Variants in TMEM132D observed in about 807,000 individuals in gnomAD.
TMEM132D encodes transmembrane protein 132D, also known as mature OL transmembrane protein.
TMEM132D carries 21 observed loss-of-function variants against 62.3 expected under a neutral mutation model. That is an observed-to-expected ratio of 0.34 (90% CI 0.24 to 0.49). The LOEUF (loss-of-function observed/expected upper bound fraction) is 0.49. Ranked by LOEUF, TMEM132D falls within the 20% of genes least tolerant of loss-of-function variation. TMEM132D has a pLI of 0.99. For synonymous variants in TMEM132D, 621 were observed against 575.6 expected (o/e 1.08, Z -1.13); for missense variants, 1,346 against 1,402.8 (o/e 0.96, Z 0.65).
intron 1 of TMEM132D, among the ~76,000 whole-genome samples, chr12:129,900,565 C>T (rs1183639335): frequency 6.6e-6 from 1 of 152,322 alleles, no homozygotes; most frequent in Admixed American, 6.5e-5. Flanking sequence ...GAAGGATGCA[C>T]GTGAGGACTG....
chr12:129,582,711 C>G (rs551240610), intron 2 of TMEM132D, among the ~76,000 whole-genome samples: 1 of 150,778 alleles, frequency 6.6e-6, no homozygotes, highest in African/African-American at 2.4e-5. Flanking sequence ...CTCCGCCTCC[C>G]GGGTTCAAGC....
At chr12:129,584,020 C>T (rs1877949602) in intron 2 of TMEM132D, among the ~76,000 whole-genome samples, 1 of 152,032 alleles carries the variant, frequency 6.6e-6, no homozygotes. Context: ...TTTTATTAGA[C>T]CTCCAGTTAA....
intron 2 of TMEM132D, among the ~76,000 whole-genome samples, chr12:129,552,383 T>C (rs1184975458): frequency 3.3e-5 from 5 of 152,190 alleles, no homozygotes; most frequent in Non-Finnish European, 5.9e-5. Flanking sequence ...TTATATCCAT[T>C]ATCTATTATC....
rs375947887 is a variant in TMEM132D, at chr12:129,862,408, G to A, written c.79+40853C>T. Among the ~76,000 whole-genome samples, 157 of 152,304 alleles carry A rather than the reference G, an allele frequency of 1.0e-3. 8 individuals are homozygous for A. In the South Asian group the frequency reaches 0.032, roughly 31 times the overall value. ...GCCAAGAGCGAAGGCGTTTTCCAGGGGGCTGTGTGTTTGCTGACACTCCAC... is the reference window on the plus strand; with the variant it reads ...GCCAAGAGCGAAGGCGTTTTCCAGGAGGCTGTGTGTTTGCTGACACTCCAC... On this transcript the variant is annotated intron_variant, in intron 1 of 8. Transcript: ENST00000422113.
chr12:129,670,527 G>A (rs184272662), intron 2 of TMEM132D, among the ~76,000 whole-genome samples: 127 of 152,014 alleles, frequency 8.4e-4, no homozygotes, highest in African/African-American at 2.8e-3. Context: ...AGACAGCCTC[G>A]ACTCCCTGTG....
intron 5 of TMEM132D, among the ~76,000 whole-genome samples, chr12:129,189,424 G>A (rs1244883954): frequency 6.6e-6 from 1 of 152,110 alleles, no homozygotes; most frequent in East Asian, 1.9e-4. Flanking sequence ...CAGAATCAGG[G>A]CCAAGAGATT....
chr12:129,531,562 C>A (rs1876227017), intron 2 of TMEM132D, among the ~76,000 whole-genome samples: 2 of 152,136 alleles, frequency 1.3e-5, no homozygotes, highest in Admixed American at 1.3e-4. Flanking sequence ...TAGAAAAAGG[C>A]AATGAAAATG....
At chr12:129,319,072 T>G (rs994138815) in intron 4 of TMEM132D, among the ~76,000 whole-genome samples, 3 of 152,186 alleles carry the variant, frequency 2.0e-5, no homozygotes. Flanking sequence ...GTCTTGGTTC[T>G]TCCCCGCCTG....
intron 3 of TMEM132D, among the ~76,000 whole-genome samples, chr12:129,527,037 G>A (rs755228567): frequency 1.2e-4 from 18 of 152,192 alleles, no homozygotes; most frequent in African/African-American, 2.9e-4. Context: ...GGCTGGGTAC[G>A]GTGGCTCATT....
At chr12:129,667,878 A>G (rs1880413851) in intron 2 of TMEM132D, among the ~76,000 whole-genome samples, 1 of 152,026 alleles carries the variant, frequency 6.6e-6, no homozygotes, top group African/African-American at 2.4e-5. Flanking sequence ...TGTTATCAGT[A>G]ATAATTATAA....
chr12:129,228,942 T>C (rs1879557852), intron 4 of TMEM132D, among the ~76,000 whole-genome samples: 1 of 152,202 alleles, frequency 6.6e-6, no homozygotes, highest in Non-Finnish European at 1.5e-5. Context: ...AAATCAGAAG[T>C]TCAGCAATTC....
chr12:129,197,146 T>C (rs1878571706), intron 5 of TMEM132D, among the ~76,000 whole-genome samples: 1 of 152,042 alleles, frequency 6.6e-6, no homozygotes, highest in East Asian at 1.9e-4. Context: ...TGTAAATGAG[T>C]GGGTGTGGCT....
intron 1 of TMEM132D, among the ~76,000 whole-genome samples, chr12:129,868,695 G>T (rs1169266177): frequency 6.6e-6 from 1 of 152,194 alleles, no homozygotes; most frequent in African/African-American, 2.4e-5. Context: ...TCAAAAGTGT[G>T]GGACTGCAGA....
intron 5 of TMEM132D, among the ~76,000 whole-genome samples, chr12:129,120,724 G>T (rs1876033423): frequency 6.6e-6 from 1 of 152,148 alleles, no homozygotes; most frequent in African/African-American, 2.4e-5. Context: ...ACAATTGCAT[G>T]ATTGTTACAT....
intron 3 of TMEM132D, among the ~76,000 whole-genome samples, chr12:129,446,962 G>A (rs1248275476): frequency 6.6e-6 from 1 of 152,122 alleles, no homozygotes; most frequent in Non-Finnish European, 1.5e-5. Flanking sequence ...GTCCCCAAGC[G>A]GACCACACAG....
chr12:129,430,755 T>G (rs546920840), intron 3 of TMEM132D, among the ~76,000 whole-genome samples: 2 of 152,346 alleles, frequency 1.3e-5, no homozygotes, highest in African/African-American at 4.8e-5. Context: ...GAACTTGGCC[T>G]TCCCTGCGCC....
chr12:129,665,461 C>A (rs986175552), intron 2 of TMEM132D, among the ~76,000 whole-genome samples: 1 of 151,646 alleles, frequency 6.6e-6, no homozygotes, highest in African/African-American at 2.4e-5. Flanking sequence ...GACAAAAGGC[C>A]ATCTTTGCGG....
At chr12:129,356,917 A>AAGGAGAGGAG (rs200145891) in intron 3 of TMEM132D, among the ~76,000 whole-genome samples, 102 of 104,510 alleles carry the variant, frequency 9.8e-4, no homozygotes, top group Non-Finnish European at 1.5e-3. Flanking sequence ...AAGGTAAGGA[A>AAGGAGAGGAG]AGGAGAGGAG....
intron 2 of TMEM132D, among the ~76,000 whole-genome samples, chr12:129,556,376 C>G (rs1015741630): frequency 3.3e-5 from 5 of 152,144 alleles, no homozygotes; most frequent in African/African-American, 1.2e-4. Flanking sequence ...GAAGACTCTG[C>G]TCCATGGGTC....
Sources: gnomAD v4.1 joint callset for allele counts (sites outside exome capture counted in the v4.1 genomes callset) on GRCh38, gnomAD v4.1.1 for gene constraint, MANE v1.5 for transcripts, NCBI Gene and HGNC (gene_info 2026-07-23, HGNC 2026-07-21) for gene names.